Variants in PSTK observed in about 807,000 individuals in gnomAD.
PSTK encodes the protein L-seryl-tRNA(Sec) kinase.
Under a neutral mutation model 38.6 loss-of-function variants are expected in PSTK, and 26 were observed. That is an observed-to-expected ratio of 0.67 (90% CI 0.49 to 0.94). PSTK has a LOEUF of 0.94. PSTK is among the 40% of genes least tolerant of loss of function. PSTK has a pLI of 0.00. For missense variants in PSTK, 445 were observed against 436.3 expected (o/e 1.02, Z -0.18); for synonymous variants, 181 against 161.7 (o/e 1.12, Z -0.91).
intron 2 of PSTK, 71 bp from the exon 3 acceptor site, chr10:122,983,201 C>A: frequency 7.5e-7 from 1 of 1,332,136 alleles, no homozygotes; most frequent in Non-Finnish European, 1.0e-6. Flanking sequence ...CATAATTTGT[C>A]TAATATATGT....
rs755316915 is a variant in PSTK at position 122,980,642 on chromosome 10, T to C, written c.163T>C (p.Tyr55His). 6 of 1,610,440 alleles carry C rather than the reference T, an allele frequency of 3.7e-6. No homozygotes were observed. In the South Asian group the frequency reaches 5.5e-5, roughly 15 times the overall value. ...GGGTTGGGCCATCGGTGTTGTCGCG[T>C]ATGATGACGTCATGCCCGACGCGTT... ...EQGWAIGVVA[Y>H]DDVMPDAFLA... The change falls in exon 1 of 6, where the codon TAT becomes CAT. Residue 55 changes from tyrosine (Y) to histidine (H), a missense_variant. Physicochemically the swap from Tyr to His is moderately conservative, Grantham distance 83. Coordinates refer to ENST00000406217, the MANE Select transcript of PSTK (RefSeq NM_001363531.2). The surrounding 1 kb of genome is among the most constrained non-coding windows in gnomAD (Gnocchi z 4.3).
chr10:122,987,230 G>A, intron 5 of PSTK: 1 of 1,430,702 alleles, frequency 7.0e-7, no homozygotes. Context: ...ACATTCTAAT[G>A]AGGAGACAGA....
chr10:122,987,611 G>A, intron 5 of PSTK: 2 of 1,435,080 alleles, frequency 1.4e-6, no homozygotes, highest in African/African-American at 2.8e-5. Flanking sequence ...TGAAATATGT[G>A]GTAACTAGAG....
At chr10:122,989,637 A>T (rs916977490) in intron 5 of PSTK, among the ~76,000 whole-genome samples, 5 of 152,248 alleles carry the variant, frequency 3.3e-5, no homozygotes, top group Non-Finnish European at 7.3e-5. Context: ...TGTATCATAC[A>T]GATTAAATGG....
chr10:122,980,723 C>CGCGAGGCGGGGCGGGGCGGG lies in PSTK; in HGVS notation c.216+31_216+32insAGGCGGGGCGGGGCGGGGCG. 1.5e-6 allele frequency: 1 copy of CGCGAGGCGGGGCGGGGCGGG among 660,244 alleles called. No individual in the cohort carries two copies. Among genetic ancestry groups the CGCGAGGCGGGGCGGGGCGGG allele is most frequent in the Non-Finnish European group, 1.9e-6 (1 of 532,930 alleles). The allele number at this position is 660,244 out of a possible 1,614,324, so 40.9% of individuals were successfully genotyped here. ...CAGCACGGAGGGGCGGGGCCTGGGC[C>CGCGAGGCGGGGCGGGGCGGG]GCGGGGCGGGGCGGGGCGGGGCGGG... On this transcript the variant is annotated intron_variant, in intron 1 of 5. Coordinates refer to ENST00000406217, the MANE Select transcript of PSTK (RefSeq NM_001363531.2). The surrounding 1 kb of genome is among the most constrained non-coding windows in gnomAD (Gnocchi z 4.3).
chr10:122,990,012 A>G (rs1361687720), intron 5 of PSTK, among the ~76,000 whole-genome samples, 162 bp from the exon 6 acceptor site: 30 of 152,246 alleles, frequency 2.0e-4, no homozygotes, highest in Non-Finnish European at 1.5e-5. Context: ...ATGATTTTTG[A>G]GTATCACATT....
chr10:122,984,653 G>A (rs921781261), intron 3 of PSTK: 1 of 152,236 alleles, frequency 6.6e-6, no homozygotes, highest in Admixed American at 6.5e-5. Context: ...AGAGTTTGAG[G>A]TTGCAGTTGA....
rs1307098660 is a variant in PSTK, at chr10:122,980,701, C to G, written c.216+6C>G. ...GGGCAAGAGCGCGACCGGCGGTCAG[C>G]ACGGAGGGGCGGGGCCTGGGCCGCG... On this transcript the variant is annotated splice_donor_region_variant and intron_variant, in intron 1 of 5. Transcript: ENST00000406217. This position sits in a 1 kb window ranked among gnomAD's most constrained non-coding sequence, Gnocchi z 4.3. 1 of 1,260,566 alleles carries G rather than the reference C, an allele frequency of 7.9e-7. No individual in the cohort carries two copies. The highest frequency in any genetic ancestry group is 1.9e-5 in the African/African-American group (1 of 52,924). The allele number at this position is 1,260,566 out of a possible 1,614,324, so 78.1% of individuals were successfully genotyped here.
rs761913754 is a variant in PSTK, at chr10:122,990,262, A to G, written c.966A>G (p.Gly322=). ...AGTTTTTGGAAGACCTAAAACAAGG[A>G]AACAAAAAATATCTGTGCTTTCAGC... is the stretch of plus-strand genomic sequence containing the variant. The part of the protein sequence containing the change: ...KAEFLEDLKQ[G]NKKYLCFQQT... The change falls in exon 6 of 6, where the codon GGA becomes GGG. Residue 322 remains glycine, a synonymous_variant. Coordinates refer to ENST00000406217, the MANE Select transcript of PSTK (RefSeq NM_001363531.2). 4.9e-5 allele frequency: 76 copies of G among 1,541,722 alleles called. 2 individuals carry two copies. The South Asian group carries it at 6.0e-4, about 12-fold the overall frequency.
rs540264966 is a variant in PSTK, at chr10:122,981,341, G to A, written c.216+646G>A. Among the ~76,000 whole-genome samples, 157 of 152,216 alleles carry A rather than the reference G, an allele frequency of 1.0e-3. No individual in the cohort carries two copies. In the South Asian group the frequency reaches 0.013, roughly 12 times the overall value. On this transcript the variant is annotated intron_variant, in intron 1 of 5. Coordinates refer to ENST00000406217, the MANE Select transcript of PSTK (RefSeq NM_001363531.2). ...AGTTGACCACCAGAGGAAGTAATGGGTTTGTATTTACGGAAAAACTTGTAT... is the reference window on the plus strand; with the variant it reads ...AGTTGACCACCAGAGGAAGTAATGGATTTGTATTTACGGAAAAACTTGTAT...
chr10:122,988,604 A>G lies in PSTK; in HGVS notation c.878-1570A>G, dbSNP rs149092550. The stretch of plus-strand genomic sequence containing the variant: ...TACCACTCAATAATAAACACAACCC[A>G]ATTTTTAAAAGGGCAAAGGATCTGA... On this transcript the variant is annotated intron_variant, in intron 5 of 5. Coordinates refer to ENST00000406217, the MANE Select transcript of PSTK (RefSeq NM_001363531.2). Among the ~76,000 whole-genome samples, 1,138 of 152,330 alleles carry G rather than the reference A, an allele frequency of 7.5e-3. 13 individuals are homozygous for G. The highest frequency in any genetic ancestry group is 0.026 in the African/African-American group (1,066 of 41,556).
chr10:122,982,405 G>A (rs902979963), intron 1 of PSTK: 3 of 241,724 alleles, frequency 1.2e-5, no homozygotes, highest in Non-Finnish European at 2.4e-5. Flanking sequence ...CTAGCAGAGA[G>A]AGAAGTGTAA....
intron 3 of PSTK, chr10:122,984,012 C>T (rs1381241793): frequency 2.0e-5 from 3 of 152,868 alleles, no homozygotes; most frequent in African/African-American, 7.2e-5. Context: ...AGCTGCTAGC[C>T]ACATTTGACT....
intron 3 of PSTK, chr10:122,984,967 A>G (rs1849015486): frequency 6.6e-6 from 1 of 152,244 alleles, no homozygotes; most frequent in Non-Finnish European, 1.5e-5. Flanking sequence ...ATCTGGACCC[A>G]GTGAGATCGC....
chr10:122,989,604 CTG>C (rs1194970702), intron 5 of PSTK, among the ~76,000 whole-genome samples: 3 of 152,258 alleles, frequency 2.0e-5, no homozygotes, highest in African/African-American at 4.8e-5. Context: ...TTGCACATAT[CTG>C]TGAGTATATA....
chr10:122,980,462 C>T lies in PSTK; in HGVS notation c.-18C>T. The T allele has an allele frequency of 6.3e-7, 1 of 1,576,684 alleles. No individual in the cohort carries two copies. Among genetic ancestry groups the T allele is most frequent in the Non-Finnish European group, 8.6e-7 (1 of 1,165,764 alleles). The stretch of plus-strand genomic sequence containing the variant: ...GCGGAGACGACGCTCCCAGACTCCT[C>T]CGGTCTCCCCGGGCAGCATGAAGAC... On this transcript the variant is annotated 5_prime_UTR_variant, in exon 1 of 6. Coordinates refer to ENST00000406217, the MANE Select transcript of PSTK (RefSeq NM_001363531.2). This position sits in a 1 kb window ranked among gnomAD's most constrained non-coding sequence, Gnocchi z 4.3.
chr10:122,986,244 A>G, intron 3 of PSTK, 56 bp from the exon 4 acceptor site: 1 of 1,213,644 alleles, frequency 8.2e-7, no homozygotes, highest in East Asian at 2.4e-5. Context: ...AAAAAAAAAA[A>G]AAAGTCAGAT....
rs1387859552 is a variant in PSTK at position 122,980,748 on chromosome 10, G to GGCGGGGCGGT, written c.216+62_216+63insTGCGGGGCGG. 3.1e-6 allele frequency: 4 copies of GGCGGGGCGGT among 1,290,610 alleles called. No homozygotes were observed. In the African/African-American group the frequency reaches 4.7e-5, roughly 15 times the overall value. 79.9% of individuals were successfully genotyped at this position (1,290,610 alleles called of 1,614,324 possible). The stretch of plus-strand genomic sequence containing the variant: ...CGCGGGGCGGGGCGGGGCGGGGCGG[G>GGCGGGGCGGT]GCGGGGCGGGGACACTCGCGTCCAC... On this transcript the variant is annotated intron_variant, in intron 1 of 5. Coordinates refer to ENST00000406217, the MANE Select transcript of PSTK (RefSeq NM_001363531.2). This position sits in a 1 kb window ranked among gnomAD's most constrained non-coding sequence, Gnocchi z 4.3.
In PSTK at chr10:122,990,175, T is replaced by C; in HGVS notation, c.879T>C (p.Asp293=). 6.6e-7 allele frequency: 1 copy of C among 1,513,312 alleles called. No homozygotes were observed. 93.7% of individuals were successfully genotyped at this position (1,513,312 alleles called of 1,614,324 possible). The part of the protein sequence containing the change: ...IVSQTMKEAK[D]EQVLPHNLKL... ...TTTGAGAATATCTTTTTATTTTAGA[T>C]GAACAAGTGCTTCCTCACAACTTGA... Residue 293 remains aspartate (D), a splice_region_variant and synonymous_variant, in exon 6 of 6, where the codon GAT becomes GAC. Transcript: ENST00000406217.
Sources: allele counts gnomAD v4.1 joint callset (sites outside exome capture counted in the v4.1 genomes callset), GRCh38; gene constraint gnomAD v4.1.1; non-coding constraint Gnocchi (gnomAD v3.1); transcripts MANE v1.5; gene names NCBI Gene and HGNC (gene_info 2026-07-23, HGNC 2026-07-21).